Variants in MRPS5 observed in about 807,000 individuals in gnomAD.
MRPS5 encodes the protein small ribosomal subunit protein uS5m.
MRPS5 carries 27 observed loss-of-function variants against 51.9 expected under a neutral mutation model. The ratio of observed to expected loss-of-function variants is 0.52; its 90% CI spans 0.38 to 0.72. The LOEUF is 0.72. Among genes scored for constraint, MRPS5 ranks in the 30% least tolerant of loss-of-function variants. The pLI is 0.00. For missense variants in MRPS5, 570 were observed against 545.7 expected, an observed-to-expected ratio of 1.04 and a Z score of -0.44; for synonymous variants, 196 against 193.2, an observed-to-expected ratio of 1.01 and a Z score of -0.12.
rs1422931632 is a variant in MRPS5, at chr2:95,121,605, G to A, written c.58+129C>T. 6.9e-6 allele frequency: 7 copies of A among 1,018,898 alleles called. No individual in the cohort carries two copies. The African/African-American group carries it at 1.0e-4, about 15-fold the overall frequency. The allele number at this position is 1,018,898 out of a possible 1,614,324, so 63.1% of individuals were successfully genotyped here. A position where few individuals can be genotyped will look rare whatever the true frequency, so the allele number is the denominator to read the frequency against. On this transcript the variant is annotated intron_variant, in intron 1 of 11. Coordinates refer to ENST00000272418, the MANE Select transcript of MRPS5 (RefSeq NM_031902.5). The stretch of plus-strand genomic sequence containing the variant: ...TCACACAGCGGCTCCGGCGGAAGGT[G>A]GGGGCACGGCGTGAAGAGCCGGGGG...
chr2:95,111,475 T>C (rs1379271955), intron 3 of MRPS5, among the ~76,000 whole-genome samples: 1 of 152,114 alleles, frequency 6.6e-6, no homozygotes, highest in Non-Finnish European at 1.5e-5. Flanking sequence ...GAACTTGACA[T>C]TGAGACAAAA....
At chr2:95,090,613 G>C in intron 10 of MRPS5, 91 bp from the exon 11 acceptor site, 1 of 1,487,234 alleles carries the variant, frequency 6.7e-7, no homozygotes, top group Non-Finnish European at 9.2e-7. Context: ...CAGGCTCTGG[G>C]CTTCGGGAAA....
rs74904726 is a variant in MRPS5, at chr2:95,100,182, T to C, written c.931+292A>G. Among the ~76,000 whole-genome samples, 3,486 of 152,318 alleles carry C rather than the reference T, an allele frequency of 0.023. 130 individuals are homozygous for C. Among genetic ancestry groups the C allele is most frequent in the African/African-American group, 0.08 (3,334 of 41,556 alleles). On this transcript the variant is annotated intron_variant, in intron 10 of 11. Coordinates refer to ENST00000272418, the MANE Select transcript of MRPS5 (RefSeq NM_031902.5). ...CAATGAATTCCCTATGAGGAACTAATGTTCCCACTCCTCCAAACCCTACTA... is the reference window on the plus strand; with the variant it reads ...CAATGAATTCCCTATGAGGAACTAACGTTCCCACTCCTCCAAACCCTACTA...
intron 3 of MRPS5, among the ~76,000 whole-genome samples, chr2:95,110,251 C>T (rs996200185): frequency 5.3e-5 from 8 of 152,188 alleles, no homozygotes; most frequent in African/African-American, 1.9e-4. Flanking sequence ...TACTTTCCTC[C>T]ACAAAACTCT....
rs1202593715 is a variant in MRPS5, at chr2:95,085,998, C to T, written c.*1359G>A. 6.6e-6 allele frequency among the ~76,000 whole-genome samples: 1 copy of T among 152,096 alleles called. No homozygotes were observed. Among genetic ancestry groups the T allele is most frequent in the Non-Finnish European group, 1.5e-5 (1 of 68,018 alleles). On this transcript the variant is annotated 3_prime_UTR_variant, in exon 12 of 12. Coordinates refer to ENST00000272418, the MANE Select transcript of MRPS5 (RefSeq NM_031902.5). ...GAACAAGGCTCACTGCAGCCTCAAC[C>T]TCCTGCAATCAAATGATCCTCCCAC...
At chr2:95,104,612 C>T (rs1350740004) in intron 7 of MRPS5, 28 bp downstream of exon 7, 3 of 1,610,770 alleles carry the variant, frequency 1.9e-6, no homozygotes, top group Non-Finnish European at 1.7e-6. Flanking sequence ...ACACCACCGC[C>T]ACTGTGATGC....
intron 3 of MRPS5, 99 bp from the exon 4 acceptor site, chr2:95,110,140 G>C (rs1480071908): frequency 6.9e-7 from 1 of 1,454,278 alleles, no homozygotes; most frequent in Non-Finnish European, 9.3e-7. Flanking sequence ...TCAGCTTACA[G>C]CTTTACCCAT....
chr2:95,086,402 T>C lies in MRPS5; in HGVS notation c.*955A>G, dbSNP rs1271415831. Among the ~76,000 whole-genome samples the C allele has an allele frequency of 6.6e-6, 1 of 152,158 alleles. No homozygotes were observed. The highest frequency in any genetic ancestry group is 1.5e-5 in the Non-Finnish European group (1 of 68,026). ...TATACAATGACAGTCAAAGTTAAAG[T>C]ACTGCATGGATGGTTCAAGAGCAGA... On this transcript the variant is annotated 3_prime_UTR_variant, in exon 12 of 12. Transcript: ENST00000272418.
At chr2:95,114,838 C>T (rs1344310204) in intron 3 of MRPS5, among the ~76,000 whole-genome samples, 1 of 152,146 alleles carries the variant, frequency 6.6e-6, no homozygotes, top group East Asian at 1.9e-4. Flanking sequence ...ACCCTTCAGG[C>T]CTCAGGTGCC....
In MRPS5 at chr2:95,087,349, C is replaced by T. The variant is rs759766868; in HGVS notation, c.*8G>A. 2 of 1,612,700 alleles carry T rather than the reference C, an allele frequency of 1.2e-6. No homozygotes were observed. The highest frequency in any genetic ancestry group is 2.2e-5 in the South Asian group (2 of 91,036). ...AGCACAGGAACTGGCTGCACAAGGCCAGAGAGGTTACGTGGCGGCTCTCTT... is the reference window on the plus strand; with the variant it reads ...AGCACAGGAACTGGCTGCACAAGGCTAGAGAGGTTACGTGGCGGCTCTCTT... On this transcript the variant is annotated 3_prime_UTR_variant, in exon 12 of 12. Transcript: ENST00000272418.
intron 6 of MRPS5, 123 bp downstream of exon 6, chr2:95,106,300 G>A: frequency 1.2e-6 from 1 of 808,828 alleles, no homozygotes; most frequent in Non-Finnish European, 2.1e-6. Context: ...ACGCAGATCA[G>A]CTGTGTGTCA....
chr2:95,099,155 T>C (rs1675721471), intron 10 of MRPS5, among the ~76,000 whole-genome samples: 1 of 151,600 alleles, frequency 6.6e-6, no homozygotes. Flanking sequence ...CCGGACCTCG[T>C]GATCCGACCA....
At position 95,108,415 on chromosome 2, in the gene MRPS5, G is replaced by A. The variant is rs536427086; in HGVS notation, c.404-7C>T. On this transcript the variant is annotated splice_polypyrimidine_tract_variant and splice_region_variant and intron_variant, in intron 4 of 11. Coordinates refer to ENST00000272418, the MANE Select transcript of MRPS5 (RefSeq NM_031902.5). ...CATAGAAAACCATAACGCCCTGAAG[G>A]TTTAAAAATATAAATAATAATTTTG... 1.3e-6 allele frequency: 2 copies of A among 1,599,840 alleles called. No individual in the cohort carries two copies. The highest frequency in any genetic ancestry group is 2.7e-5 in the African/African-American group (2 of 74,444).
At chr2:95,106,567 A>T in intron 5 of MRPS5, 110 bp from the exon 6 acceptor site, 1 of 916,600 alleles carries the variant, frequency 1.1e-6, no homozygotes, top group Non-Finnish European at 1.8e-6. Context: ...AAAGAATCTC[A>T]GATCTTTTGG....
At chr2:95,090,311 A>C in intron 11 of MRPS5, 75 bp downstream of exon 11, 2 of 1,520,292 alleles carry the variant, frequency 1.3e-6, no homozygotes, top group Middle Eastern at 2.4e-4. Flanking sequence ...AGGAGGCCCC[A>C]GGGCATCGTA....
chr2:95,108,202 C>G lies in MRPS5; in HGVS notation c.610G>C (p.Gly204Arg), dbSNP rs1408471583. ...SGNSWGGISLGPPDPGPCGET... is the reference protein window; with the variant it reads ...SGNSWGGISLRPPDPGPCGET... Reference sequence around the variant, plus strand: ...CCACAGGGACCAGGGTCAGGGGGGCCAAGACTGATGCCTCCCCATGAGTTT... The same window carrying G: ...CCACAGGGACCAGGGTCAGGGGGGCGAAGACTGATGCCTCCCCATGAGTTT... Residue 204 changes from glycine to arginine, a missense_variant, in exon 5 of 12, where the codon GGC becomes CGC. Coordinates refer to ENST00000272418, the MANE Select transcript of MRPS5 (RefSeq NM_031902.5). The G allele has an allele frequency of 5.0e-6, 8 of 1,614,130 alleles. No individual in the cohort carries two copies. The highest frequency in any genetic ancestry group is 6.8e-6 in the Non-Finnish European group (8 of 1,180,014).
intron 5 of MRPS5, chr2:95,106,734 T>C: frequency 2.0e-6 from 1 of 493,982 alleles, no homozygotes; most frequent in Non-Finnish European, 3.7e-6. Flanking sequence ...ATCCCTGCTC[T>C]CCCTTCTGCT....
chr2:95,101,566 T>C, intron 8 of MRPS5, 111 bp downstream of exon 8: 1 of 812,266 alleles, frequency 1.2e-6, no homozygotes, highest in East Asian at 2.8e-5. Flanking sequence ...ACAGCAAGCC[T>C]CATGGGAAGG....
chr2:95,089,150 C>G (rs1675384789), intron 11 of MRPS5, among the ~76,000 whole-genome samples: 1 of 152,276 alleles, frequency 6.6e-6, no homozygotes, highest in East Asian at 1.9e-4. Flanking sequence ...AAATCAACAT[C>G]TTAATTAAAC....
Sources: allele counts gnomAD v4.1 joint callset (sites outside exome capture counted in the v4.1 genomes callset), GRCh38; gene constraint gnomAD v4.1.1; transcripts MANE v1.5; gene names NCBI Gene and HGNC (gene_info 2026-07-23, HGNC 2026-07-21).